Variants in UQCC1 observed in about 807,000 individuals in gnomAD.
UQCC1 encodes the protein bFGF-repressed Zic-binding protein.
A neutral mutation model predicts 48.0 loss-of-function variants in UQCC1; 38 were observed. The ratio of observed to expected loss-of-function variants is 0.79; its 90% CI spans 0.61 to 1.04. UQCC1 has a LOEUF of 1.04. Ranked by LOEUF, UQCC1 falls within the 50% of genes least tolerant of loss-of-function variation. The probability of loss-of-function intolerance (pLI) is 0.00; values close to 1 mark genes in which losing one functional copy is unlikely to be tolerated. For missense variants in UQCC1, 368 were observed against 381.8 expected (o/e 0.96, Z 0.30); for synonymous variants, 111 against 129.2 (o/e 0.86, Z 0.95).
intron 7 of UQCC1, among the ~76,000 whole-genome samples, chr20:35,320,175 T>C (rs750517194): frequency 2.6e-5 from 4 of 152,196 alleles, no homozygotes; most frequent in Non-Finnish European, 5.9e-5. Context: ...CACACATATT[T>C]TCTCTACTAA....
chr20:35,308,170 G>A (rs1218946495), intron 8 of UQCC1, among the ~76,000 whole-genome samples: 1 of 152,246 alleles, frequency 6.6e-6, no homozygotes, highest in Non-Finnish European at 1.5e-5. Flanking sequence ...CCAGTATGGG[G>A]TGCTGACAGT....
chr20:35,309,825 T>A (rs115925607), intron 8 of UQCC1, among the ~76,000 whole-genome samples: 49 of 152,364 alleles, frequency 3.2e-4, no homozygotes, highest in African/African-American at 1.1e-3. Flanking sequence ...CTCAGCATGA[T>A]GCTAGGAACA....
intron 7 of UQCC1, among the ~76,000 whole-genome samples, chr20:35,330,333 A>G (rs2061242616): frequency 6.6e-6 from 1 of 152,216 alleles, no homozygotes; most frequent in South Asian, 2.1e-4. Flanking sequence ...ACCAGGACTG[A>G]GTGTCCTCAC....
intron 4 of UQCC1, among the ~76,000 whole-genome samples, chr20:35,378,956 TC>T (rs2061835350): frequency 2.0e-5 from 3 of 152,222 alleles, no homozygotes; most frequent in Admixed American, 2.0e-4. Flanking sequence ...CATCCCTATT[TC>T]CTTCAACCGT....
chr20:35,409,130 C>A (rs1296029362), intron 1 of UQCC1, among the ~76,000 whole-genome samples: 2 of 152,054 alleles, frequency 1.3e-5, no homozygotes, highest in Non-Finnish European at 2.9e-5. Context: ...AAAGATGGCA[C>A]AACAATGTAA....
intron 1 of UQCC1, chr20:35,410,247 T>G (rs775465472): frequency 6.6e-6 from 1 of 152,090 alleles, no homozygotes; most frequent in Non-Finnish European, 1.5e-5. Context: ...AAATGATAGT[T>G]GTCAGGCCAG....
At chr20:35,329,766 G>A (rs2061236612) in intron 7 of UQCC1, among the ~76,000 whole-genome samples, 1 of 152,190 alleles carries the variant, frequency 6.6e-6, no homozygotes, top group Non-Finnish European at 1.5e-5. Flanking sequence ...AAGCCCACAG[G>A]AGAAAAGAGT....
intron 6 of UQCC1, among the ~76,000 whole-genome samples, chr20:35,358,096 G>A (rs150487860): frequency 0.024 from 3,657 of 152,222 alleles, 58 homozygotes; most frequent in Non-Finnish European, 0.038. Context: ...GCTCATGCCT[G>A]TAATCCCAGC....
chr20:35,317,577 G>A (rs2061075255), intron 7 of UQCC1, among the ~76,000 whole-genome samples: 1 of 152,176 alleles, frequency 6.6e-6, no homozygotes, highest in South Asian at 2.1e-4. Context: ...AGCTCTCTGG[G>A]CATATTTTCT....
chr20:35,357,632 A>G (rs1291963632), intron 6 of UQCC1, among the ~76,000 whole-genome samples: 1 of 143,300 alleles, frequency 7.0e-6, no homozygotes, highest in Non-Finnish European at 1.5e-5. Context: ...TGGTAGTGCC[A>G]TTGTACTCCA....
intron 6 of UQCC1, among the ~76,000 whole-genome samples, chr20:35,360,881 G>A (rs1202686711): frequency 1.3e-5 from 2 of 152,042 alleles, no homozygotes; most frequent in Admixed American, 1.3e-4. Context: ...CCTATCCCCT[G>A]ACCACCAAAT....
At chr20:35,405,875 TA>T (rs2062243981) in intron 1 of UQCC1, among the ~76,000 whole-genome samples, 1 of 152,184 alleles carries the variant, frequency 6.6e-6, no homozygotes, top group South Asian at 2.1e-4. Context: ...AAAGAGAAGT[TA>T]TTTTTTTAAA....
chr20:35,314,729 T>C lies in UQCC1; in HGVS notation c.610A>G (p.Met204Val), dbSNP rs1355097982. The change falls in exon 8 of 10, where the codon ATG becomes GTG. Residue 204 changes from methionine to valine, a missense_variant. Physicochemically the swap from Met to Val is conservative, Grantham distance 21. Transcript: ENST00000374385. Reference protein sequence around the residue: ...PYILKKNMILMTNHFYAAILG... With the variant: ...PYILKKNMILVTNHFYAAILG... ...ATCGCTGCATAGAAATGATTTGTCA[T>C]GAGGATCATGTTCTTCTTCAGGATA... is the stretch of plus-strand genomic sequence containing the variant. 1.2e-6 allele frequency: 2 copies of C among 1,608,902 alleles called. No homozygotes were observed. The highest frequency in any genetic ancestry group is 1.7e-6 in the Non-Finnish European group (2 of 1,175,936).
chr20:35,313,961 TTTTA>T (rs1308426878), intron 8 of UQCC1, among the ~76,000 whole-genome samples: 1 of 151,426 alleles, frequency 6.6e-6, no homozygotes, highest in East Asian at 2.0e-4. Context: ...AAACTTTTAT[TTTTA>T]TTTATTTATC....
intron 6 of UQCC1, among the ~76,000 whole-genome samples, chr20:35,352,983 T>C (rs543813408): frequency 2.0e-5 from 3 of 152,214 alleles, no homozygotes; most frequent in East Asian, 1.9e-4. Context: ...CCCAGCTCTA[T>C]GTCTTAATTT....
At chr20:35,391,949 G>T (rs1168930648) in intron 2 of UQCC1, among the ~76,000 whole-genome samples, 1 of 152,000 alleles carries the variant, frequency 6.6e-6, no homozygotes, top group Non-Finnish European at 1.5e-5. Context: ...AACTTCAAGA[G>T]GCTAATTAAG....
intron 7 of UQCC1, among the ~76,000 whole-genome samples, chr20:35,335,299 A>G (rs2061303751): frequency 6.6e-6 from 1 of 152,196 alleles, no homozygotes; most frequent in African/African-American, 2.4e-5. Context: ...ATAAACTTAT[A>G]TATGAATGTT....
chr20:35,366,450 T>C, intron 6 of UQCC1, 107 bp downstream of exon 6: 2 of 944,986 alleles, frequency 2.1e-6, no homozygotes, highest in Non-Finnish European at 3.2e-6. Context: ...TTTTAACACC[T>C]GAACAACTGC....
intron 7 of UQCC1, among the ~76,000 whole-genome samples, chr20:35,327,142 T>C (rs1180374862): frequency 6.6e-6 from 1 of 152,188 alleles, no homozygotes; most frequent in Non-Finnish European, 1.5e-5. Flanking sequence ...AGCCCTGCCT[T>C]CTTCTTCTCC....
Sources: allele counts gnomAD v4.1 joint callset (sites outside exome capture counted in the v4.1 genomes callset), GRCh38; gene constraint gnomAD v4.1.1; transcripts MANE v1.5; gene names NCBI Gene and HGNC (gene_info 2026-07-23, HGNC 2026-07-21).